TNFAIP2: variants seen among roughly 807,000 people sequenced by gnomAD.
The protein encoded by TNFAIP2 is tumor necrosis factor alpha-induced protein 2.
Under a neutral mutation model 63.5 loss-of-function variants are expected in TNFAIP2, and 47 were observed. That is an observed-to-expected ratio of 0.74 (90% CI 0.59 to 0.94). The LOEUF (loss-of-function observed/expected upper bound fraction) is 0.94, where lower values mean the gene tolerates loss of function less well. Among genes scored for constraint, TNFAIP2 ranks in the 40% least tolerant of loss-of-function variants. The probability of loss-of-function intolerance (pLI) is 0.00; values close to 1 mark genes in which losing one functional copy is unlikely to be tolerated. For missense variants in TNFAIP2, 787 were observed against 850.2 expected (o/e 0.93, Z 0.92); for synonymous variants, 405 against 390.2 (o/e 1.04, Z -0.45).
At chr14:103,123,429 T>A (rs1219700037), upstream of TNFAIP2, 1 of 151,804 alleles carries the variant, frequency 6.6e-6, no homozygotes, top group East Asian at 2.0e-4. Context: ...ACTCTGCGAC[T>A]ATTTCAGGCC....
At position 103,127,688 on chromosome 14, in the gene TNFAIP2, T is replaced by A. The variant is rs1396834560; in HGVS notation, c.860+59T>A. ...GGGAGGGTGTCCTCTGTAGGAGGGG[T>A]GTCGAGGGGTGTCGAGGTGTGCCGC... On this transcript the variant is annotated intron_variant, in intron 3 of 11. Coordinates refer to ENST00000560869, the MANE Select transcript of TNFAIP2 (RefSeq NM_006291.4). The surrounding 1 kb of genome is among the most constrained non-coding windows in gnomAD (Gnocchi z 5.1). The A allele has an allele frequency of 7.2e-7, 1 of 1,397,924 alleles. No individual in the cohort carries two copies. The highest frequency in any genetic ancestry group is 9.3e-7 in the Non-Finnish European group (1 of 1,073,636). 86.6% of individuals were successfully genotyped at this position (1,397,924 alleles called of 1,614,324 possible).
chr14:103,130,531 T>G, intron 6 of TNFAIP2, 116 bp downstream of exon 6: 1 of 979,514 alleles, frequency 1.0e-6, no homozygotes, highest in Non-Finnish European at 1.5e-6. Context: ...CCTGTCCCTG[T>G]CATTCTGAGC....
At chr14:103,126,885 T>C in intron 2 of TNFAIP2, 120 bp from the exon 3 acceptor site, 1 of 1,362,250 alleles carries the variant, frequency 7.3e-7, no homozygotes, top group Non-Finnish European at 9.7e-7. Flanking sequence ...ACATCACCCT[T>C]TAGGGTGTTG....
In TNFAIP2 at chr14:103,126,495, T is replaced by C. The variant is rs1359937808; in HGVS notation, c.38T>C (p.Leu13Pro). Residue 13 changes from leucine to proline, a missense_variant, in exon 2 of 12, where the codon CTG (leucine) becomes CCG (proline). By Grantham distance (98) the Leu-to-Pro change is moderately conservative (BLOSUM62 -3). Around this residue, in one of 3 missense-constraint regions of TNFAIP2, gnomAD observed 258 missense variants for 228.9 expected, o/e 1.13. Transcript: ENST00000560869. Reference sequence around the variant, plus strand: ...TCCTCTGAGGACCTGGTGCCACCCCTGGAGGCTGGGGCAGCCCCATATAGG... The same window carrying C: ...TCCTCTGAGGACCTGGTGCCACCCCCGGAGGCTGGGGCAGCCCCATATAGG... ...EASSEDLVPP[L>P]EAGAAPYREE... is the part of the protein sequence containing the mutation. 1 of 1,587,910 alleles carries C rather than the reference T, an allele frequency of 6.3e-7. No individual in the cohort carries two copies. The highest frequency in any genetic ancestry group is 1.1e-5 in the South Asian group (1 of 88,298).
rs753407227 is a variant in TNFAIP2 at position 103,130,047 on chromosome 14, C to T, written c.1021C>T (p.Arg341Trp). ...GGACCGAGCTCTGGAGCTAGAGGCA[C>T]GGCGCTGGGCTGAGGATGTGCCTCC... ...LMDRALELEA[R>W]RWAEDVPPQR... Residue 341 changes from arginine to tryptophan, a missense_variant, in exon 5 of 12, where the codon CGG (arginine) becomes TGG (tryptophan). Arg to Trp is a moderately radical substitution (Grantham distance 101, BLOSUM62 -3). Coordinates refer to ENST00000560869, the MANE Select transcript of TNFAIP2 (RefSeq NM_006291.4). 6.2e-6 allele frequency: 10 copies of T among 1,613,168 alleles called. No individual in the cohort carries two copies. Among genetic ancestry groups the T allele is most frequent in the Non-Finnish European group, 5.9e-6 (7 of 1,179,944 alleles).
Position 103,126,606 on chromosome 14 carries a change from GGAA to G in TNFAIP2, c.160_162del (p.Lys54del), listed in dbSNP as rs749617300. On this transcript the variant is annotated inframe_deletion, in exon 2 of 12. Transcript: ENST00000560869. Reference sequence around the variant, plus strand: ...AATGTGTTCTGCGTCTTCACCAAAGGGAAGAAGAAGAAGGGTCAGCCCAGCTCA... The same window carrying G: ...AATGTGTTCTGCGTCTTCACCAAAGGGAAGAAGAAGGGTCAGCCCAGCTCA... The G allele has an allele frequency of 2.4e-5, 38 of 1,554,006 alleles. No individual in the cohort carries two copies. Among genetic ancestry groups the G allele is most frequent in the Admixed American group, 7.8e-5 (4 of 51,148 alleles).
At chr14:103,132,248 C>A (rs1361477876) in intron 8 of TNFAIP2, among the ~76,000 whole-genome samples, 1 of 152,166 alleles carries the variant, frequency 6.6e-6, no homozygotes, top group Non-Finnish European at 1.5e-5. Flanking sequence ...GCCAAGAAAT[C>A]CACAGAAAAT....
chr14:103,131,294 A>C lies in TNFAIP2; in HGVS notation c.1298+144A>C. On this transcript the variant is annotated intron_variant, in intron 7 of 11. Transcript: ENST00000560869. This position sits in a 1 kb window ranked among gnomAD's most constrained non-coding sequence, Gnocchi z 4.0. ...CATGTGTGAGGACTCCACGGCCTGC[A>C]GCAGCAGCAGCAAACATTTCCCAAG... The C allele has an allele frequency of 1.2e-6, 1 of 826,068 alleles. No individual in the cohort carries two copies. The highest frequency in any genetic ancestry group is 2.7e-5 in the East Asian group (1 of 37,414). The allele number at this position is 826,068 out of a possible 1,614,324, so 51.2% of individuals were successfully genotyped here. A position where few individuals can be genotyped will look rare whatever the true frequency, so the allele number is the denominator to read the frequency against.
At chr14:103,132,686 T>A in intron 8 of TNFAIP2, 64 bp from the exon 9 acceptor site, 1 of 1,505,240 alleles carries the variant, frequency 6.6e-7, no homozygotes, top group Non-Finnish European at 9.0e-7. Context: ...CGTGTCTGCG[T>A]GTCTGCGGCT....
rs8176400 is a variant in TNFAIP2, at chr14:103,136,303, G to A, written c.*943G>A. ...TCAAAACGAGGTCTTCCAGTTCTGCGGGTCAGAAGGCTGACCCGGGGCTCA... is the reference window on the plus strand; with the variant it reads ...TCAAAACGAGGTCTTCCAGTTCTGCAGGTCAGAAGGCTGACCCGGGGCTCA... On this transcript the variant is annotated 3_prime_UTR_variant, in exon 12 of 12. Transcript: ENST00000560869. 9,634 of 189,496 alleles carry A rather than the reference G, an allele frequency of 0.051. 964 individuals carry two copies. Among genetic ancestry groups the A allele is most frequent in the African/African-American group, 0.21 (8,721 of 42,240 alleles). 11.7% of individuals were successfully genotyped at this position (189,496 alleles called of 1,614,324 possible).
intron 1 of TNFAIP2, 41 bp from the exon 2 acceptor site, chr14:103,126,269 G>A (rs892670502): frequency 1.1e-5 from 6 of 554,918 alleles, no homozygotes; most frequent in Non-Finnish European, 1.9e-5. Context: ...AGCCAGGGCC[G>A]GTCCATGGTG....
upstream of TNFAIP2, among the ~76,000 whole-genome samples, chr14:103,121,643 G>T (rs1286756569): frequency 6.6e-6 from 1 of 152,226 alleles, no homozygotes; most frequent in Non-Finnish European, 1.5e-5. Context: ...GAGAGGGGAA[G>T]TGACTGGTGC....
chr14:103,125,826 T>C (rs966769888), intron 1 of TNFAIP2, among the ~76,000 whole-genome samples: 3 of 152,176 alleles, frequency 2.0e-5, no homozygotes, highest in African/African-American at 4.8e-5. Flanking sequence ...AGGAGGAGGC[T>C]GGGTTCCAGT....
intron 9 of TNFAIP2, 131 bp downstream of exon 9, chr14:103,133,003 A>C (rs1451779341): frequency 7.1e-6 from 10 of 1,417,150 alleles, no homozygotes; most frequent in African/African-American, 2.8e-5. Flanking sequence ...TGAATGCACG[A>C]GCATGTGAAC....
intron 9 of TNFAIP2, 24 bp from the exon 10 acceptor site, chr14:103,133,338 G>GC: frequency 1.9e-6 from 3 of 1,608,192 alleles, no homozygotes; most frequent in Non-Finnish European, 2.5e-6. Flanking sequence ...CAGCTCACAC[G>GC]CCCCTGGCTG....
At position 103,136,114 on chromosome 14, in the gene TNFAIP2, C is replaced by G. The variant is rs1342818406; in HGVS notation, c.*754C>G. 6.8e-6 allele frequency: 7 copies of G among 1,036,096 alleles called. No individual in the cohort carries two copies. Among genetic ancestry groups the G allele is most frequent in the Non-Finnish European group, 8.7e-6 (7 of 801,350 alleles). 64.2% of individuals were successfully genotyped at this position (1,036,096 alleles called of 1,614,324 possible). ...CTGGGTCCTCTCAGGCTCCCCCTTC[C>G]CCAAGGCAGGGACAGGCCCTGGGGG... On this transcript the variant is annotated 3_prime_UTR_variant, in exon 12 of 12. Coordinates refer to ENST00000560869, the MANE Select transcript of TNFAIP2 (RefSeq NM_006291.4).
At position 103,127,169 on chromosome 14, in the gene TNFAIP2, G is replaced by T. The variant is rs1158505022; in HGVS notation, c.400G>T (p.Asp134Tyr). The T allele has an allele frequency of 1.9e-5, 21 of 1,119,952 alleles. No homozygotes were observed. Among genetic ancestry groups the T allele is most frequent in the South Asian group, 2.7e-5 (1 of 37,596 alleles). 69.4% of individuals were successfully genotyped at this position (1,119,952 alleles called of 1,614,324 possible). A position where few individuals can be genotyped will look rare whatever the true frequency, so the allele number is the denominator to read the frequency against. ...GGAGGCGCTGTACGAGCTGCTGCGC[G>T]ACCAGGTGCTGGGCGTGCTGCGGCG... ...KVEALYELLR[D>Y]QVLGVLRRPL... The change falls in exon 3 of 12, where the codon GAC becomes TAC. Residue 134 changes from aspartate to tyrosine, a missense_variant. This residue lies in a region of TNFAIP2 where 258 missense variants were observed against 228.9 expected (regional missense o/e 1.13). Coordinates refer to ENST00000560869, the MANE Select transcript of TNFAIP2 (RefSeq NM_006291.4). This position sits in a 1 kb window ranked among gnomAD's most constrained non-coding sequence, Gnocchi z 5.1.
chr14:103,123,061 T>A, upstream of TNFAIP2: 1 of 242,630 alleles, frequency 4.1e-6, no homozygotes, highest in Non-Finnish European at 8.7e-6. Context: ...GGAGTTGGGG[T>A]GGGACGGGCT....
Position 103,131,138 on chromosome 14 carries a change from G to A in TNFAIP2, c.1286G>A (p.Cys429Tyr). 1 of 1,614,170 alleles carries A rather than the reference G, an allele frequency of 6.2e-7. No homozygotes were observed. The highest frequency in any genetic ancestry group is 1.1e-5 in the South Asian group (1 of 91,086). Residue 429 changes from cysteine (C) to tyrosine (Y), a missense_variant, in exon 7 of 12, where the codon TGC becomes TAC. Transcript: ENST00000560869. The surrounding 1 kb of genome is among the most constrained non-coding windows in gnomAD (Gnocchi z 4.0). ...RANVIANINN[C>Y]LSFRMSMEQN... ...AATGTTATTGCCAACATCAACAACT[G>A]CCTGTCCTTCCGGTGAGAGTGTTGG...
Sources: gnomAD v4.1 joint callset for allele counts (sites outside exome capture counted in the v4.1 genomes callset) on GRCh38, gnomAD v4.1.1 for gene constraint, gnomAD v4.1.1 regional missense constraint, Gnocchi (gnomAD v3.1) non-coding constraint, MANE v1.5 for transcripts, NCBI Gene and HGNC (gene_info 2026-07-23, HGNC 2026-07-21) for gene names.